The following ATP10A variants were observed in gnomAD, a reference collection of about 807,000 sequenced individuals.
ATP10A encodes ATPase phospholipid transporting 10A (putative).
A neutral mutation model predicts 147.8 loss-of-function variants in ATP10A; 111 were observed. The observed-to-expected ratio is 0.75, with a 90% CI of 0.64 to 0.88. The LOEUF (loss-of-function observed/expected upper bound fraction) is 0.88, where lower values mean the gene tolerates loss of function less well. ATP10A is among the 40% of genes least tolerant of loss of function. ATP10A has a pLI of 0.00. For synonymous variants in ATP10A, 875 were observed against 841.6 expected (o/e 1.04, Z -0.69); for missense variants, 1,927 against 1,959.0 (o/e 0.98, Z 0.31).
chr15:25,735,969 G>T, intron 3 of ATP10A, 87 bp downstream of exon 3: 1 of 1,172,684 alleles, frequency 8.5e-7, no homozygotes, highest in Non-Finnish European at 1.3e-6. Flanking sequence ...AGTATTAAAT[G>T]CATACTTTAT....
At chr15:25,851,430 T>G (rs1351800605) in intron 1 of ATP10A, among the ~76,000 whole-genome samples, 1 of 152,120 alleles carries the variant, frequency 6.6e-6, no homozygotes, top group Admixed American at 6.5e-5. Context: ...CATCGTTAAA[T>G]GGGCCAATGA....
At chr15:25,834,184 A>G (rs921877839) in intron 1 of ATP10A, among the ~76,000 whole-genome samples, 3 of 152,236 alleles carry the variant, frequency 2.0e-5, no homozygotes, top group Admixed American at 6.5e-5. Context: ...ATAATAATTT[A>G]AAAAGTCTGT....
intron 2 of ATP10A, among the ~76,000 whole-genome samples, chr15:25,768,023 T>C (rs192388598): frequency 2.0e-5 from 3 of 152,298 alleles, no homozygotes; most frequent in Non-Finnish European, 4.4e-5. Flanking sequence ...GCTCCCAAAG[T>C]CCCCTCACCC....
chr15:25,724,785 T>C (rs1009811531), intron 5 of ATP10A, among the ~76,000 whole-genome samples: 2 of 152,236 alleles, frequency 1.3e-5, no homozygotes, highest in Admixed American at 1.3e-4. Flanking sequence ...CACTAAGAAA[T>C]CGTCAGTTCA....
At chr15:25,824,086 C>T (rs1329386757) in intron 1 of ATP10A, among the ~76,000 whole-genome samples, 1 of 151,992 alleles carries the variant, frequency 6.6e-6, no homozygotes, top group Admixed American at 6.6e-5. Context: ...AAATTTGCTA[C>T]AAGGCAAACT....
downstream of ATP10A, chr15:25,678,433 G>A (rs527585984): frequency 6.6e-6 from 1 of 152,212 alleles, no homozygotes; most frequent in East Asian, 1.9e-4. Context: ...GCCTTGGGTT[G>A]TTATCATTTC....
intron 10 of ATP10A, chr15:25,710,036 C>T (rs974728299): frequency 6.6e-6 from 1 of 152,098 alleles, no homozygotes; most frequent in Non-Finnish European, 1.5e-5. Flanking sequence ...ATTCAGTCAG[C>T]CCTGCTCTTC....
At chr15:25,789,817 GC>G (rs199591479) in intron 1 of ATP10A, among the ~76,000 whole-genome samples, 2,672 of 152,166 alleles carry the variant, frequency 0.018, 34 homozygotes, top group Middle Eastern at 0.034. Flanking sequence ...ACTTTGCTGA[GC>G]ACCATCCCCA....
intron 2 of ATP10A, among the ~76,000 whole-genome samples, chr15:25,763,177 C>G (rs900491495): frequency 6.6e-6 from 1 of 152,184 alleles, no homozygotes; most frequent in Admixed American, 6.5e-5. Flanking sequence ...CACCTGCACT[C>G]AATTCATTCT....
intron 6 of ATP10A, among the ~76,000 whole-genome samples, chr15:25,723,595 C>T (rs1383903466): frequency 6.6e-6 from 1 of 151,788 alleles, no homozygotes; most frequent in African/African-American, 2.4e-5. Context: ...AAAATAAAAT[C>T]TATTTTTTTT....
intron 1 of ATP10A, among the ~76,000 whole-genome samples, chr15:25,850,357 G>C (rs772956643): frequency 6.6e-6 from 1 of 152,144 alleles, no homozygotes; most frequent in African/African-American, 2.4e-5. Context: ...TGCAGCACTG[G>C]AGATGACCGA....
chr15:25,754,473 C>G (rs1394954690), intron 2 of ATP10A, among the ~76,000 whole-genome samples: 1 of 152,136 alleles, frequency 6.6e-6, no homozygotes, highest in African/African-American at 2.4e-5. Context: ...GTGGTTATTA[C>G]TGCAGGAGGG....
In ATP10A at chr15:25,679,383, G is replaced by C; in HGVS notation, c.4458C>G (p.Asp1486Glu). The C allele has an allele frequency of 1.2e-6, 2 of 1,604,836 alleles. No individual in the cohort carries two copies. Among genetic ancestry groups the C allele is most frequent in the Non-Finnish European group, 1.7e-6 (2 of 1,172,354 alleles). Residue 1486 changes from aspartate to glutamate, a missense_variant, in exon 21 of 21, where the codon GAC (aspartate) becomes GAG (glutamate). Transcript: ENST00000555815. The stretch of plus-strand genomic sequence containing the variant: ...AAGATGCTCCTATAAGTAGTCTGTG[G>C]TCTGGCCCTTGAAGTCCTGATCGGC... ...HSGRSGLQGP[D>E]HRLLIGASSR...
intron 1 of ATP10A, among the ~76,000 whole-genome samples, chr15:25,783,044 C>T (rs1168175800): frequency 6.6e-6 from 1 of 151,922 alleles, no homozygotes; most frequent in Non-Finnish European, 1.5e-5. Context: ...GGCATGGTGG[C>T]ACGAGCCTGT....
intron 2 of ATP10A, among the ~76,000 whole-genome samples, 155 bp from the exon 3 acceptor site, chr15:25,736,296 C>T (rs999367062): frequency 2.6e-5 from 4 of 152,212 alleles, no homozygotes; most frequent in African/African-American, 9.6e-5. Context: ...GCAACGCCTT[C>T]TCCACTGTAT....
intron 1 of ATP10A, among the ~76,000 whole-genome samples, chr15:25,790,758 C>T (rs1257097035): frequency 6.6e-6 from 1 of 152,150 alleles, no homozygotes; most frequent in Non-Finnish European, 1.5e-5. Context: ...GCCTTTTCTG[C>T]ATATAATGGT....
intron 1 of ATP10A, among the ~76,000 whole-genome samples, chr15:25,795,217 A>G (rs143171596): frequency 1.1e-4 from 17 of 152,322 alleles, no homozygotes; most frequent in Admixed American, 3.9e-4. Context: ...TGAATCAGCC[A>G]GGGCATCCCC....
intron 1 of ATP10A, among the ~76,000 whole-genome samples, chr15:25,825,777 C>T (rs1463665487): frequency 6.6e-6 from 1 of 152,032 alleles, no homozygotes; most frequent in Non-Finnish European, 1.5e-5. Flanking sequence ...ATTTTAAATG[C>T]CATTTTCAAC....
At chr15:25,687,447 G>A (rs1899754498) in intron 16 of ATP10A, among the ~76,000 whole-genome samples, 1 of 151,880 alleles carries the variant, frequency 6.6e-6, no homozygotes, top group African/African-American at 2.4e-5. Flanking sequence ...AGCCATCAGT[G>A]GACTTGCTAG....
Sources: allele counts gnomAD v4.1 joint callset (sites outside exome capture counted in the v4.1 genomes callset), GRCh38; gene constraint gnomAD v4.1.1; transcripts MANE v1.5; gene names NCBI Gene and HGNC (gene_info 2026-07-23, HGNC 2026-07-21).